Variants in DMRT1 observed in about 807,000 individuals in gnomAD.
DMRT1 encodes the protein doublesex and mab-3 related transcription factor 1.
A neutral mutation model predicts 32.3 loss-of-function variants in DMRT1; 7 were observed. The ratio of observed to expected loss-of-function variants is 0.22; its 90% CI spans 0.12 to 0.41. DMRT1 has a LOEUF of 0.41. Ranked by LOEUF, DMRT1 falls within the 10% of genes least tolerant of loss-of-function variation. The pLI, the probability that DMRT1 is intolerant of heterozygous loss-of-function variation, is 1.00. For synonymous variants in DMRT1, 278 were observed against 206.1 expected, an observed-to-expected ratio of 1.35 and a Z score of -2.99; for missense variants, 625 against 500.5, an observed-to-expected ratio of 1.25 and a Z score of -2.37.
Position 908,186 on chromosome 9 carries a change from C to T in DMRT1, c.823-8577C>T, listed in dbSNP as rs527823608. Among the ~76,000 whole-genome samples, 33 of 152,248 alleles carry T rather than the reference C, an allele frequency of 2.2e-4. No individual in the cohort carries two copies. The South Asian group carries it at 4.8e-3, about 22-fold the overall frequency. On this transcript the variant is annotated intron_variant, in intron 3 of 4. Transcript: ENST00000382276. ...GATTGTTGTGGGCTGGGCATGGTGG[C>T]TCATGCCTGTAATCCTAGCTCTTGG...
chr9:858,045 G>T (rs905146246), intron 2 of DMRT1, among the ~76,000 whole-genome samples: 8 of 151,994 alleles, frequency 5.3e-5, no homozygotes, highest in African/African-American at 1.9e-4. Context: ...ATTTGGGTTG[G>T]TTTCAAGTCT....
chr9:915,502 C>CACTGCT (rs1818144954), intron 3 of DMRT1, among the ~76,000 whole-genome samples: 1 of 151,926 alleles, frequency 6.6e-6, no homozygotes. Context: ...ATGCAGCTGC[C>CACTGCT]ACTGGAGGGG....
intron 2 of DMRT1, among the ~76,000 whole-genome samples, chr9:863,316 T>C (rs1003573463): frequency 6.6e-5 from 6 of 91,504 alleles, no homozygotes; most frequent in Non-Finnish European, 1.2e-4. Context: ...AGGCCACGTC[T>C]CTTAAAAAAA....
chr9:912,240 G>T (rs996064970), intron 3 of DMRT1, among the ~76,000 whole-genome samples: 1 of 152,220 alleles, frequency 6.6e-6, no homozygotes, highest in Non-Finnish European at 1.5e-5. Context: ...CCGCCCCCAT[G>T]ATCCAATCAC....
intron 4 of DMRT1, among the ~76,000 whole-genome samples, chr9:917,817 C>T (rs565871367): frequency 3.9e-4 from 60 of 152,096 alleles, no homozygotes; most frequent in Non-Finnish European, 4.9e-4. Context: ...CTTTATTTAC[C>T]ATATTAACAT....
chr9:948,845 C>T (rs1819334106), intron 4 of DMRT1, among the ~76,000 whole-genome samples: 1 of 151,490 alleles, frequency 6.6e-6, no homozygotes, highest in South Asian at 2.1e-4. Flanking sequence ...CACTTGAGGT[C>T]AGGAGTTCGA....
chr9:918,844 C>A (rs1483079112), intron 4 of DMRT1, among the ~76,000 whole-genome samples: 1 of 152,108 alleles, frequency 6.6e-6, no homozygotes, highest in Non-Finnish European at 1.5e-5. Context: ...CAAATGTGTG[C>A]TATTTTGGCT....
chr9:867,382 C>G (rs1816038177), intron 2 of DMRT1, among the ~76,000 whole-genome samples: 6 of 152,190 alleles, frequency 3.9e-5, no homozygotes, highest in Admixed American at 3.9e-4. Flanking sequence ...GTGCTTTATT[C>G]TGTGCCTCCT....
intron 2 of DMRT1, among the ~76,000 whole-genome samples, chr9:892,569 T>C (rs528637622): frequency 6.6e-6 from 1 of 152,188 alleles, no homozygotes; most frequent in East Asian, 1.9e-4. Flanking sequence ...TTTGCAGGCC[T>C]TAGAGTTCTG....
chr9:881,526 T>C (rs1816736590), intron 2 of DMRT1, among the ~76,000 whole-genome samples: 1 of 152,132 alleles, frequency 6.6e-6, no homozygotes, highest in Non-Finnish European at 1.5e-5. Flanking sequence ...AACTTAAACA[T>C]GTATCTTTGC....
Position 965,384 on chromosome 9 carries a change from C to A in DMRT1, c.968-2601C>A, listed in dbSNP as rs902189235. 1.3e-5 allele frequency among the ~76,000 whole-genome samples: 2 copies of A among 152,204 alleles called. No individual in the cohort carries two copies. The highest frequency in any genetic ancestry group is 2.9e-5 in the Non-Finnish European group (2 of 68,032). On this transcript the variant is annotated intron_variant, in intron 4 of 4. Coordinates refer to ENST00000382276, the MANE Select transcript of DMRT1 (RefSeq NM_021951.3). The surrounding 1 kb of genome is among the most constrained non-coding windows in gnomAD (Gnocchi z 4.5). The stretch of plus-strand genomic sequence containing the variant: ...TGAGTTTTACATTTTCTCTAGAGTG[C>A]AGTCATGCATTAAAAGTATGCTTGG...
At chr9:922,002 TC>T (rs1818369326) in intron 4 of DMRT1, among the ~76,000 whole-genome samples, 1 of 152,014 alleles carries the variant, frequency 6.6e-6, no homozygotes, top group East Asian at 1.9e-4. Context: ...CACCTCAGCC[TC>T]CCGGGTAGCT....
At chr9:852,332 A>G (rs1815181265) in intron 2 of DMRT1, among the ~76,000 whole-genome samples, 1 of 151,868 alleles carries the variant, frequency 6.6e-6, no homozygotes, top group Non-Finnish European at 1.5e-5. Flanking sequence ...TACATGACAA[A>G]TAATTAACGG....
Position 897,090 on chromosome 9 carries a change from A to ATATTATTATTAT in DMRT1, c.822+2921_822+2932dup, listed in dbSNP as rs35331172. ...CTTCATACGTTTTATTTTTGGAATC[A>ATATTATTATTAT]TATTATTATTATTATTATTATTATT... On this transcript the variant is annotated intron_variant, in intron 3 of 4. Coordinates refer to ENST00000382276, the MANE Select transcript of DMRT1 (RefSeq NM_021951.3). Among the ~76,000 whole-genome samples the ATATTATTATTAT allele has an allele frequency of 4.3e-3, 602 of 141,162 alleles. 6 individuals are homozygous for ATATTATTATTAT. The highest frequency in any genetic ancestry group is 0.014 in the African/African-American group (525 of 38,448). 92.6% of individuals were successfully genotyped at this position (141,162 alleles called of 152,430 possible).
At position 861,901 on chromosome 9, in the gene DMRT1, A is replaced by ACGGGGCGG. The variant is rs1564204005; in HGVS notation, c.538+14758_538+14759insCGGGGCGG. ...GGCAGAGGCACTCTTCACATCCCAG[A>ACGGGGCGG]TGGGGCGGCGGGGCAGAGGCGCTCC... On this transcript the variant is annotated intron_variant, in intron 2 of 4. Transcript: ENST00000382276. Among the ~76,000 whole-genome samples, 316 of 145,376 alleles carry ACGGGGCGG rather than the reference A, an allele frequency of 2.2e-3. 6 individuals carry two copies. Among genetic ancestry groups the ACGGGGCGG allele is most frequent in the African/African-American group, 8.1e-3 (313 of 38,550 alleles).
At chr9:869,044 T>C (rs1414927481) in intron 2 of DMRT1, among the ~76,000 whole-genome samples, 1 of 152,114 alleles carries the variant, frequency 6.6e-6, no homozygotes, top group Non-Finnish European at 1.5e-5. Flanking sequence ...AAAGTTAGCA[T>C]CCTTTATATT....
rs1816086753 is a variant in DMRT1 at position 868,457 on chromosome 9, G to A, written c.538+21314G>A. On this transcript the variant is annotated intron_variant, in intron 2 of 4. Transcript: ENST00000382276. ...TCACTACTTAGAATAAAAGTGAAGA[G>A]CTGTGTGTCTGGGTTTTTCATGTCA... 2.0e-5 allele frequency among the ~76,000 whole-genome samples: 3 copies of A among 152,148 alleles called. No individual in the cohort carries two copies. The South Asian group carries it at 6.2e-4, about 31-fold the overall frequency.
chr9:879,570 C>A (rs1028092280), intron 2 of DMRT1, among the ~76,000 whole-genome samples: 8 of 152,132 alleles, frequency 5.3e-5, no homozygotes, highest in African/African-American at 1.7e-4. Flanking sequence ...ATTTTAATAG[C>A]CTTTTACATC....
At chr9:886,340 C>T (rs1405369116) in intron 2 of DMRT1, among the ~76,000 whole-genome samples, 4 of 152,198 alleles carry the variant, frequency 2.6e-5, no homozygotes, top group Admixed American at 1.3e-4. Flanking sequence ...ACTGCAACCT[C>T]CGCCTCCTGG....
Sources: gnomAD v4.1 joint callset for allele counts (sites outside exome capture counted in the v4.1 genomes callset) on GRCh38, gnomAD v4.1.1 for gene constraint, Gnocchi (gnomAD v3.1) non-coding constraint, MANE v1.5 for transcripts, NCBI Gene and HGNC (gene_info 2026-07-23, HGNC 2026-07-21) for gene names.